Variants in INSR observed in about 807,000 individuals in gnomAD.
The protein encoded by INSR is IR.
INSR carries 67 observed loss-of-function variants against 142.6 expected under a neutral mutation model. The ratio of observed to expected loss-of-function variants is 0.47; its 90% CI spans 0.39 to 0.58. The LOEUF (loss-of-function observed/expected upper bound fraction) is 0.58. Ranked by LOEUF, INSR falls within the 20% of genes least tolerant of loss-of-function variation. INSR has a pLI of 0.00. For missense variants in INSR, 1,248 were observed against 1,833.2 expected (o/e 0.68, Z 5.83); for synonymous variants, 756 against 743.1 (o/e 1.02, Z -0.28).
chr19:7,234,009 T>C (rs4804427), intron 2 of INSR, among the ~76,000 whole-genome samples: 70,868 of 151,364 alleles, frequency 0.47, 17,600 homozygotes, highest in African/African-American at 0.64. Context: ...CAGGTTCAAG[T>C]GATTCTCCTG....
intron 2 of INSR, among the ~76,000 whole-genome samples, chr19:7,201,668 T>TA (rs79301843): frequency 3.6e-5 from 1 of 27,698 alleles, no homozygotes; most frequent in South Asian, 8.6e-4. Context: ...ATTTTCATTC[T>TA]TTTTTTTTTT....
chr19:7,189,073 T>C (rs895036776), intron 2 of INSR, among the ~76,000 whole-genome samples: 1 of 152,122 alleles, frequency 6.6e-6, no homozygotes, highest in Non-Finnish European at 1.5e-5. Flanking sequence ...AACACTGATC[T>C]GTCTGTGGGA....
At chr19:7,272,540 C>A (rs964241565) in intron 1 of INSR, among the ~76,000 whole-genome samples, 6 of 152,070 alleles carry the variant, frequency 3.9e-5, no homozygotes, top group Non-Finnish European at 8.8e-5. Context: ...ATGGCTTGAA[C>A]CTAGGAGGCG....
At chr19:7,280,661 G>A (rs1968182071) in intron 1 of INSR, among the ~76,000 whole-genome samples, 1 of 151,686 alleles carries the variant, frequency 6.6e-6, no homozygotes, top group Non-Finnish European at 1.5e-5. Flanking sequence ...AGGTTGTGAT[G>A]AGCCGATATC....
chr19:7,130,575 G>A (rs1001035433), intron 14 of INSR, among the ~76,000 whole-genome samples: 1 of 152,142 alleles, frequency 6.6e-6, no homozygotes, highest in Non-Finnish European at 1.5e-5. Flanking sequence ...GGTTGTTTAA[G>A]AAGTGTGTAG....
At position 7,117,038 on chromosome 19, in the gene INSR, C is replaced by T. The variant is rs776107044; in HGVS notation, c.*18G>A. The T allele has an allele frequency of 4.4e-6, 7 of 1,603,884 alleles. No individual in the cohort carries two copies. In the African/African-American group the frequency reaches 8.0e-5, roughly 18 times the overall value. ...CGAAAATGGGAACCCCTGCCCGCCC[C>T]CGCCACGGTAGGCACTGTTAGGAAG... On this transcript the variant is annotated 3_prime_UTR_variant, in exon 22 of 22. Coordinates refer to ENST00000302850, the MANE Select transcript of INSR (RefSeq NM_000208.4).
At chr19:7,139,783 A>G (rs1417483495) in intron 13 of INSR, among the ~76,000 whole-genome samples, 3 of 151,222 alleles carry the variant, frequency 2.0e-5, no homozygotes, top group Non-Finnish European at 4.4e-5. Context: ...TTTTTCTGTG[A>G]AGCTGTGAAG....
At chr19:7,158,421 A>C (rs1047744935) in intron 9 of INSR, among the ~76,000 whole-genome samples, 8 of 152,296 alleles carry the variant, frequency 5.3e-5, no homozygotes, top group South Asian at 2.1e-4. Flanking sequence ...GAATGGCGTG[A>C]ACCCGGGAGG....
chr19:7,231,420 C>T (rs1339934300), intron 2 of INSR, among the ~76,000 whole-genome samples: 1 of 151,520 alleles, frequency 6.6e-6, no homozygotes, highest in Admixed American at 6.6e-5. Context: ...CCTGCCTCAG[C>T]CTCCTGAGTA....
chr19:7,167,327 A>G (rs1973910598), intron 7 of INSR, among the ~76,000 whole-genome samples: 1 of 152,142 alleles, frequency 6.6e-6, no homozygotes, highest in Non-Finnish European at 1.5e-5. Flanking sequence ...CTGTAATCCC[A>G]GCACTTTGGG....
rs904000836 is a variant in INSR, at chr19:7,267,122, T to C, written c.652+223A>G. Among the ~76,000 whole-genome samples, 1 of 152,212 alleles carries C rather than the reference T, an allele frequency of 6.6e-6. No homozygotes were observed. On this transcript the variant is annotated intron_variant, in intron 2 of 21. Coordinates refer to ENST00000302850, the MANE Select transcript of INSR (RefSeq NM_000208.4). This position sits in a 1 kb window ranked among gnomAD's most constrained non-coding sequence, Gnocchi z 6.3. ...CTGCTTGTCCAATACAGTGGCAGAATTGAGTCGTTGCATCAGAGACCATAT... is the reference window on the plus strand; with the variant it reads ...CTGCTTGTCCAATACAGTGGCAGAACTGAGTCGTTGCATCAGAGACCATAT...
intron 17 of INSR, among the ~76,000 whole-genome samples, chr19:7,124,541 GAAAAAAAAAAAA>G (rs531613079): frequency 4.0e-4 from 4 of 9,920 alleles, no homozygotes; most frequent in East Asian, 4.5e-3. Context: ...TCCGTTTCAG[GAAAAAAAAAAAA>G]AAAAAAAAAA....
rs1477213859 is a variant in INSR, at chr19:7,181,117, T to C, written c.974+3199A>G. ...TGTAATCCCACGCCTGGCTAATTTT[T>C]GTATTTTTAGTAGAGATGGGGTTTC... On this transcript the variant is annotated intron_variant, in intron 3 of 21. Coordinates refer to ENST00000302850, the MANE Select transcript of INSR (RefSeq NM_000208.4). Among the ~76,000 whole-genome samples the C allele has an allele frequency of 5.3e-5, 8 of 152,042 alleles. 1 individual carries two copies. The highest frequency in any genetic ancestry group is 5.2e-4 in the Admixed American group (8 of 15,250).
rs182552223 is a variant in INSR at position 7,141,787 on chromosome 19, T to C, written c.2572A>G (p.Thr858Ala). 85 of 1,614,170 alleles carry C rather than the reference T, an allele frequency of 5.3e-5. No homozygotes were observed. In the East Asian group the frequency reaches 1.8e-3, roughly 34 times the overall value. ...ACGTTGTTCTCAAAGATTTCATGCG[T>C]CACAGGGCCAACAATGTCATCAGCC... is the stretch of plus-strand genomic sequence containing the variant. Reference protein sequence around the residue: ...AKADDIVGPVTHEIFENNVVH... With the variant: ...AKADDIVGPVAHEIFENNVVH... The change falls in exon 13 of 22, where the codon ACG (threonine) becomes GCG (alanine). Residue 858 changes from threonine to alanine, a missense_variant. Thr to Ala is a moderately conservative substitution (Grantham distance 58, BLOSUM62 0). Transcript: ENST00000302850.
intron 9 of INSR, among the ~76,000 whole-genome samples, chr19:7,160,987 C>T (rs1323578387): frequency 4.3e-5 from 6 of 138,378 alleles, no homozygotes; most frequent in African/African-American, 1.4e-4. Context: ...CGGAGTGAGA[C>T]TCCGTGTCAA....
At chr19:7,174,497 G>T (rs541855493) in intron 4 of INSR, 86 bp downstream of exon 4, 2 of 1,475,180 alleles carry the variant, frequency 1.4e-6, no homozygotes, top group South Asian at 1.1e-5. Flanking sequence ...ACGCAGCAGG[G>T]TCTGCACTGC....
chr19:7,234,595 G>T (rs368868883), intron 2 of INSR, among the ~76,000 whole-genome samples: 2 of 152,266 alleles, frequency 1.3e-5, no homozygotes, highest in Non-Finnish European at 2.9e-5. Context: ...CCCCAGGGGG[G>T]TTTTGGAATC....
rs34080394 is a variant in INSR at position 7,135,304 on chromosome 19, CTT to C, written c.2683-2989_2683-2988del. On this transcript the variant is annotated intron_variant, in intron 13 of 21. Coordinates refer to ENST00000302850, the MANE Select transcript of INSR (RefSeq NM_000208.4). ...CCAGGACAAAGGGGAAATGCATCTT[CTT>C]TTTTTTTTTTTTTTTTTTTTTTTTT... 4.0e-3 allele frequency among the ~76,000 whole-genome samples: 241 copies of C among 60,006 alleles called. 1 individual carries two copies. The highest frequency in any genetic ancestry group is 0.029 in the East Asian group (91 of 3,106). 39.4% of individuals were successfully genotyped at this position (60,006 alleles called of 152,430 possible).
At chr19:7,164,513 A>G (rs8103869) in intron 8 of INSR, among the ~76,000 whole-genome samples, 88,500 of 150,906 alleles carry the variant, frequency 0.59, 26,502 homozygotes, top group African/African-American at 0.71. Context: ...GTGAAGCCCC[A>G]TCTCTATTAA....
Sources: allele counts gnomAD v4.1 joint callset (sites outside exome capture counted in the v4.1 genomes callset), GRCh38; gene constraint gnomAD v4.1.1; non-coding constraint Gnocchi (gnomAD v3.1); transcripts MANE v1.5; gene names NCBI Gene and HGNC (gene_info 2026-07-23, HGNC 2026-07-21).